Variants in COL4A2 observed in about 807,000 individuals in gnomAD.
COL4A2 encodes collagen alpha-2(IV) chain.
A neutral mutation model predicts 200.2 loss-of-function variants in COL4A2; 99 were observed. The ratio of observed to expected loss-of-function variants is 0.49; its 90% CI spans 0.42 to 0.58. The LOEUF (loss-of-function observed/expected upper bound fraction) is 0.58, where lower values mean the gene tolerates loss of function less well. Ranked by LOEUF, COL4A2 falls within the 20% of genes least tolerant of loss-of-function variation. The probability of loss-of-function intolerance (pLI) is 0.00; values close to 1 mark genes in which losing one functional copy is unlikely to be tolerated. For synonymous variants in COL4A2, 897 were observed against 900.6 expected (o/e 1.00, Z 0.07); for missense variants, 1,950 against 2,314.1 (o/e 0.84, Z 3.23).
At chr13:110,459,029 C>T in intron 22 of COL4A2, 95 bp downstream of exon 22, 7 of 1,279,888 alleles carry the variant, frequency 5.5e-6, no homozygotes, top group Non-Finnish European at 7.4e-6. Flanking sequence ...TACACAGCTT[C>T]AGACCGGCAA....
intron 4 of COL4A2, among the ~76,000 whole-genome samples, chr13:110,373,582 C>T (rs1878109167): frequency 6.6e-6 from 1 of 152,216 alleles, no homozygotes; most frequent in African/African-American, 2.4e-5. Flanking sequence ...GTGGCTTATT[C>T]ACACTCAGGG....
intron 3 of COL4A2, among the ~76,000 whole-genome samples, chr13:110,346,817 T>C (rs1027289888): frequency 6.6e-6 from 1 of 152,126 alleles, no homozygotes; most frequent in Non-Finnish European, 1.5e-5. Context: ...ACCCAGCACC[T>C]AATAAAACCA....
chr13:110,369,218 A>G (rs999985285), intron 4 of COL4A2, among the ~76,000 whole-genome samples: 1 of 152,044 alleles, frequency 6.6e-6, no homozygotes, highest in African/African-American at 2.4e-5. Context: ...TCAGTAAATA[A>G]ATAAATAAAT....
intron 18 of COL4A2, among the ~76,000 whole-genome samples, chr13:110,447,561 G>A (rs925790309): frequency 2.0e-5 from 3 of 151,704 alleles, no homozygotes; most frequent in African/African-American, 7.3e-5. Context: ...ATCCTTCTAG[G>A]TTAAAAAAAA....
intron 28 of COL4A2, 128 bp from the exon 29 acceptor site, chr13:110,472,801 C>T (rs1882529562): frequency 9.3e-6 from 7 of 751,142 alleles, no homozygotes; most frequent in African/African-American, 1.8e-5. Context: ...GACAAGGGCT[C>T]GAGCTGAGGA....
chr13:110,340,548 G>A (rs1268703513), intron 3 of COL4A2, among the ~76,000 whole-genome samples: 3 of 152,152 alleles, frequency 2.0e-5, no homozygotes, highest in African/African-American at 4.8e-5. Context: ...AATGTTTAAG[G>A]TTCATCCCCT....
chr13:110,450,531 GAT>G, intron 20 of COL4A2, 77 bp downstream of exon 20: 1 of 1,537,472 alleles, frequency 6.5e-7, no homozygotes, highest in Non-Finnish European at 8.9e-7. Flanking sequence ...TGTTATTTGG[GAT>G]TCTCTGCTAA....
chr13:110,498,930 A>T lies in COL4A2; in HGVS notation c.3761-2738A>T, dbSNP rs192550587. On this transcript the variant is annotated intron_variant, in intron 40 of 47. Coordinates refer to ENST00000360467, the MANE Select transcript of COL4A2 (RefSeq NM_001846.4). Reference sequence around the variant, plus strand: ...GCTGACTTTTGCAAGCCATGCCCCCACCCTCGACCTGCATGAACGTCACAG... The same window carrying T: ...GCTGACTTTTGCAAGCCATGCCCCCTCCCTCGACCTGCATGAACGTCACAG... Among the ~76,000 whole-genome samples the T allele has an allele frequency of 1.1e-3, 174 of 152,162 alleles. 1 individual carries two copies. The highest frequency in any genetic ancestry group is 4.1e-3 in the African/African-American group (170 of 41,512).
At position 110,457,465 on chromosome 13, in the gene COL4A2, G is replaced by A. The variant is rs768764558; in HGVS notation, c.1432+30G>A. 3.8e-6 allele frequency: 5 copies of A among 1,308,202 alleles called. No homozygotes were observed. The South Asian group carries it at 4.7e-5, about 12-fold the overall frequency. 81.0% of individuals were successfully genotyped at this position (1,308,202 alleles called of 1,614,324 possible). A position where few individuals can be genotyped will look rare whatever the true frequency, so the allele number is the denominator to read the frequency against. ...GAACATCTGGGAGGGACGGGATGAGGACAGCCTGGCCTTTCCAAGTCCCTC... is the reference window on the plus strand; with the variant it reads ...GAACATCTGGGAGGGACGGGATGAGAACAGCCTGGCCTTTCCAAGTCCCTC... On this transcript the variant is annotated intron_variant, in intron 21 of 47. Coordinates refer to ENST00000360467, the MANE Select transcript of COL4A2 (RefSeq NM_001846.4).
chr13:110,464,523 C>G (rs1243143625), intron 24 of COL4A2, among the ~76,000 whole-genome samples: 1 of 152,128 alleles, frequency 6.6e-6, no homozygotes, highest in Non-Finnish European at 1.5e-5. Context: ...GTCCCCCTCC[C>G]CTGTGAAAAA....
At chr13:110,486,262 G>A (rs7987451) in intron 34 of COL4A2, among the ~76,000 whole-genome samples, 3,126 of 152,302 alleles carry the variant, frequency 0.021, 103 homozygotes, top group African/African-American at 0.07. Flanking sequence ...TTTGTTCAGC[G>A]GATGTCTGTT....
intron 4 of COL4A2, among the ~76,000 whole-genome samples, chr13:110,408,937 A>ATG (rs1439900395): frequency 3.3e-4 from 11 of 33,398 alleles, no homozygotes; most frequent in African/African-American, 8.9e-4. Flanking sequence ...GTACACACGC[A>ATG]CACATATATA....
intron 3 of COL4A2, among the ~76,000 whole-genome samples, chr13:110,331,943 C>G (rs1338517714): frequency 6.6e-6 from 1 of 152,088 alleles, no homozygotes; most frequent in African/African-American, 2.4e-5. Context: ...TTCACTCTGT[C>G]TTTTCTGTCT....
At chr13:110,421,161 CAG>C (rs1229111372) in intron 4 of COL4A2, among the ~76,000 whole-genome samples, 1 of 152,158 alleles carries the variant, frequency 6.6e-6, no homozygotes, top group Non-Finnish European at 1.5e-5. Context: ...AGGGTGCAGT[CAG>C]TGTGGAAAAA....
At chr13:110,428,312 C>G (rs1880543513) in intron 6 of COL4A2, among the ~76,000 whole-genome samples, 155 bp from the exon 7 acceptor site, 1 of 152,214 alleles carries the variant, frequency 6.6e-6, no homozygotes, top group African/African-American at 2.4e-5. Context: ...CTTATTTAAT[C>G]TTTCATTCAT....
intron 16 of COL4A2, among the ~76,000 whole-genome samples, chr13:110,440,993 T>G (rs1881100414): frequency 6.6e-6 from 1 of 152,206 alleles, no homozygotes; most frequent in South Asian, 2.1e-4. Context: ...AGAATGGCAG[T>G]CAATAGGTGC....
chr13:110,394,108 TA>T (rs1385042938), intron 4 of COL4A2, among the ~76,000 whole-genome samples: 1 of 152,160 alleles, frequency 6.6e-6, no homozygotes, highest in East Asian at 1.9e-4. Flanking sequence ...CTTGACTTTG[TA>T]AAAAATTTTT....
intron 47 of COL4A2, among the ~76,000 whole-genome samples, chr13:110,510,211 G>C (rs931369541): frequency 6.6e-6 from 1 of 152,250 alleles, no homozygotes; most frequent in Non-Finnish European, 1.5e-5. Context: ...TTGTCCGTGA[G>C]GATGGGTGGC....
chr13:110,315,331 A>G (rs900616294), intron 3 of COL4A2, among the ~76,000 whole-genome samples: 10 of 152,350 alleles, frequency 6.6e-5, no homozygotes, highest in African/African-American at 1.9e-4. Context: ...ATTATAAGTC[A>G]TGATTGTAGC....
Sources: gnomAD v4.1 joint callset for allele counts (sites outside exome capture counted in the v4.1 genomes callset) on GRCh38, gnomAD v4.1.1 for gene constraint, MANE v1.5 for transcripts, NCBI Gene and HGNC (gene_info 2026-07-23, HGNC 2026-07-21) for gene names.